The following VWA8 variants were observed in gnomAD, a reference collection of about 807,000 sequenced individuals.
The protein encoded by VWA8 is von Willebrand factor A domain containing 8.
In VWA8, 221 loss-of-function variants were observed where a neutral mutation model predicts 241.5. That is an observed-to-expected ratio of 0.91 (90% CI 0.82 to 1.02). The LOEUF (loss-of-function observed/expected upper bound fraction) is 1.02. Ranked by LOEUF, VWA8 falls within the 50% of genes least tolerant of loss-of-function variation. The probability of loss-of-function intolerance (pLI) is 0.00; values close to 1 mark genes in which losing one functional copy is unlikely to be tolerated. For synonymous variants in VWA8, 852 were observed against 827.1 expected (o/e 1.03, Z -0.52); for missense variants, 2,322 against 2,328.7 (o/e 1.00, Z 0.06).
At chr13:41,767,621 G>C (rs1265699684) in intron 20 of VWA8, among the ~76,000 whole-genome samples, 3 of 152,170 alleles carry the variant, frequency 2.0e-5, no homozygotes, top group African/African-American at 7.2e-5. Flanking sequence ...TGGGTTCGTT[G>C]TAACGGTCAA....
chr13:41,604,458 TA>T (rs1230888081), intron 40 of VWA8, among the ~76,000 whole-genome samples: 1 of 152,048 alleles, frequency 6.6e-6, no homozygotes, highest in East Asian at 1.9e-4. Flanking sequence ...TTTGAAAAAA[TA>T]AGGCTTTTCC....
intron 21 of VWA8, among the ~76,000 whole-genome samples, chr13:41,757,170 A>G (rs1223914857): frequency 6.6e-6 from 1 of 151,766 alleles, no homozygotes; most frequent in Non-Finnish European, 1.5e-5. Context: ...TTTCAGATTC[A>G]GGGGAACATA....
chr13:41,639,632 A>G (rs549228901), intron 37 of VWA8, among the ~76,000 whole-genome samples: 31 of 152,330 alleles, frequency 2.0e-4, no homozygotes, highest in Middle Eastern at 6.8e-3. Context: ...ATGTTATCTG[A>G]TTTATACAAA....
rs560621762 is a variant in VWA8, at chr13:41,703,476, C to T, written c.3117-65G>A. ...ACCCAAGTCATAGAAAAAAATAACA[C>T]GGCATCTATTATCAACCACACAAAT... On this transcript the variant is annotated intron_variant, in intron 26 of 44. Coordinates refer to ENST00000379310, the MANE Select transcript of VWA8 (RefSeq NM_015058.2). The T allele has an allele frequency of 2.0e-4, 274 of 1,392,572 alleles. No individual in the cohort carries two copies. The African/African-American group carries it at 3.0e-3, about 15-fold the overall frequency. The allele number at this position is 1,392,572 out of a possible 1,614,324, so 86.3% of individuals were successfully genotyped here. A position where few individuals can be genotyped will look rare whatever the true frequency, so the allele number is the denominator to read the frequency against.
rs1387811417 is a variant in VWA8 at position 41,689,523 on chromosome 13, C to T, written c.3977-15G>A. On this transcript the variant is annotated splice_polypyrimidine_tract_variant and intron_variant, in intron 33 of 44. Coordinates refer to ENST00000379310, the MANE Select transcript of VWA8 (RefSeq NM_015058.2). ...GAACTCTGTTTCTGAAAAGTACAAA[C>T]ATTAGACACCATATGCTCCTGAAAT... is the stretch of plus-strand genomic sequence containing the variant. The T allele has an allele frequency of 1.3e-6, 2 of 1,589,442 alleles. No individual in the cohort carries two copies. Among genetic ancestry groups the T allele is most frequent in the Admixed American group, 3.5e-5 (2 of 56,660 alleles).
chr13:41,921,767 C>A (rs569753377), intron 2 of VWA8, among the ~76,000 whole-genome samples: 6 of 152,214 alleles, frequency 3.9e-5, no homozygotes, highest in African/African-American at 1.2e-4. Context: ...ACAAACCACT[C>A]CTCAACTAAA....
chr13:41,800,015 T>C (rs1199373138), intron 17 of VWA8, among the ~76,000 whole-genome samples: 1 of 152,234 alleles, frequency 6.6e-6, no homozygotes, highest in Non-Finnish European at 1.5e-5. Context: ...ATTCTGGATA[T>C]TTCATGTAAA....
intron 2 of VWA8, chr13:41,926,347 C>G: frequency 1.7e-6 from 1 of 578,786 alleles, no homozygotes; most frequent in South Asian, 1.5e-5. Context: ...AAGATCATCA[C>G]ATGTATAAGA....
chr13:41,618,574 C>T (rs907413267), intron 37 of VWA8, among the ~76,000 whole-genome samples: 1 of 152,126 alleles, frequency 6.6e-6, no homozygotes, highest in Non-Finnish European at 1.5e-5. Flanking sequence ...AATGGTATTG[C>T]CTAGGTTTTC....
intron 34 of VWA8, among the ~76,000 whole-genome samples, chr13:41,686,848 C>T (rs560651846): frequency 6.6e-6 from 1 of 152,238 alleles, no homozygotes; most frequent in East Asian, 1.9e-4. Flanking sequence ...CACAGGGACA[C>T]ATACTTCACC....
At chr13:41,603,804 T>G (rs1802478373) in intron 40 of VWA8, among the ~76,000 whole-genome samples, 1 of 152,204 alleles carries the variant, frequency 6.6e-6, no homozygotes, top group African/African-American at 2.4e-5. Context: ...CTGTTGGACA[T>G]GCCCTGACTC....
At chr13:41,754,317 C>T (rs1335046525) in intron 21 of VWA8, among the ~76,000 whole-genome samples, 2 of 152,082 alleles carry the variant, frequency 1.3e-5, no homozygotes, top group Admixed American at 6.6e-5. Flanking sequence ...TGCACAAGCT[C>T]TCTTCTCTTG....
At chr13:41,894,524 C>T (rs1158997666) in intron 4 of VWA8, among the ~76,000 whole-genome samples, 3 of 152,092 alleles carry the variant, frequency 2.0e-5, no homozygotes, top group African/African-American at 7.2e-5. Context: ...CTACTACTAA[C>T]GAATGATAGA....
chr13:41,643,094 G>A (rs1214368851), intron 37 of VWA8, among the ~76,000 whole-genome samples: 1 of 152,140 alleles, frequency 6.6e-6, no homozygotes, highest in Non-Finnish European at 1.5e-5. Flanking sequence ...CTGACAGCTA[G>A]GACCACTTAG....
At chr13:41,752,710 T>C (rs1380601734) in intron 21 of VWA8, among the ~76,000 whole-genome samples, 2 of 152,174 alleles carry the variant, frequency 1.3e-5, no homozygotes, top group East Asian at 1.9e-4. Context: ...CTAACACTTA[T>C]TATGTTGCCT....
intron 12 of VWA8, among the ~76,000 whole-genome samples, chr13:41,849,777 C>T (rs928088582): frequency 6.6e-6 from 1 of 151,966 alleles, no homozygotes; most frequent in Non-Finnish European, 1.5e-5. Flanking sequence ...ATCCCAGCTA[C>T]TTGGGAGGCT....
intron 14 of VWA8, among the ~76,000 whole-genome samples, chr13:41,829,804 G>A (rs185168443): frequency 2.0e-5 from 3 of 152,106 alleles, no homozygotes; most frequent in Admixed American, 6.5e-5. Context: ...TGTGGGGGGC[G>A]GTGAGGGATA....
intron 20 of VWA8, among the ~76,000 whole-genome samples, chr13:41,764,200 CTTCA>C (rs1442709582): frequency 1.3e-5 from 2 of 152,162 alleles, no homozygotes; most frequent in Non-Finnish European, 1.5e-5. Context: ...TTTTTGATGG[CTTCA>C]TTTTTTCCCT....
chr13:41,732,154 C>T lies in VWA8; in HGVS notation c.2428G>A (p.Asp810Asn), dbSNP rs1167780522. Reference sequence around the variant, plus strand: ...AGCGTAAGAGTTTGTACTGTGGTATCCCTAAAGTAAAACCAACACATTTTA... The same window carrying T: ...AGCGTAAGAGTTTGTACTGTGGTATTCCTAAAGTAAAACCAACACATTTTA... ...RPREYIQLHR[D>N]TTVQTLTLQP... The change falls in exon 22 of 45, where the codon GAT (aspartate) becomes AAT (asparagine). Residue 810 changes from aspartate (D) to asparagine (N), a missense_variant and splice_region_variant. Asp to Asn is a conservative substitution (Grantham distance 23, BLOSUM62 1). Transcript: ENST00000379310. 6.2e-7 allele frequency: 1 copy of T among 1,608,930 alleles called. No individual in the cohort carries two copies. The highest frequency in any genetic ancestry group is 2.2e-5 in the East Asian group (1 of 44,694).
Sources: gnomAD v4.1 joint callset for allele counts (sites outside exome capture counted in the v4.1 genomes callset) on GRCh38, gnomAD v4.1.1 for gene constraint, MANE v1.5 for transcripts, NCBI Gene and HGNC (gene_info 2026-07-23, HGNC 2026-07-21) for gene names.